CD33: variants seen among roughly 807,000 people sequenced by gnomAD.
CD33 encodes the protein myeloid cell surface antigen CD33.
In CD33, 25 loss-of-function variants were observed where a neutral mutation model predicts 31.4. The observed-to-expected ratio is 0.80, with a 90% CI of 0.58 to 1.11. The LOEUF (loss-of-function observed/expected upper bound fraction) is 1.11. Ranked by LOEUF, CD33 falls within the 50% of genes most tolerant of loss-of-function variation. The probability of loss-of-function intolerance (pLI) is 0.00; values close to 1 mark genes in which losing one functional copy is unlikely to be tolerated. For missense variants in CD33, 407 were observed against 448.1 expected (o/e 0.91, Z 0.83); for synonymous variants, 176 against 180.6 (o/e 0.97, Z 0.20).
chr19:51,219,697 C>G, the CD33 span, among the ~76,000 whole-genome samples: 1 of 151,980 alleles, frequency 6.6e-6, no homozygotes, highest in Non-Finnish European at 1.5e-5. Context: ...GAGATATGTT[C>G]CTTTAATGTC....
the CD33 span, chr19:51,211,988 C>A: frequency 1.7e-6 from 2 of 1,144,098 alleles, no homozygotes; most frequent in South Asian, 1.2e-5. Flanking sequence ...GGCCCCAGGA[C>A]CACGGCACCA....
intron 4 of CD33, among the ~76,000 whole-genome samples, chr19:51,229,996 G>C (rs1334703866): frequency 1.3e-5 from 2 of 151,578 alleles, no homozygotes; most frequent in African/African-American, 4.8e-5. Context: ...TTTGATGTAG[G>C]CATTTATTTC....
At chr19:51,211,195 C>T in the CD33 span, 26 of 1,579,716 alleles carry the variant, frequency 1.6e-5, no homozygotes, top group Admixed American at 3.2e-4. Context: ...AGCTGACCCT[C>T]GTTTCCCCAC....
chr19:51,219,643 A>G, the CD33 span, among the ~76,000 whole-genome samples: 18 of 152,140 alleles, frequency 1.2e-4, no homozygotes, highest in South Asian at 8.3e-4. Context: ...CCCTTTCAGT[A>G]TGATGTTGGC....
chr19:51,213,805 G>A, the CD33 span, among the ~76,000 whole-genome samples: 1 of 151,214 alleles, frequency 6.6e-6, no homozygotes, highest in Non-Finnish European at 1.5e-5. Context: ...CAAATTGCTG[G>A]GATTACAGGC....
chr19:51,218,630 G>A, the CD33 span, among the ~76,000 whole-genome samples: 1 of 152,160 alleles, frequency 6.6e-6, no homozygotes, highest in Admixed American at 6.5e-5. Flanking sequence ...ATTTTCCTAG[G>A]TTTTCTTCAG....
chr19:51,226,276 C>T (rs952089213), intron 3 of CD33, 33 bp from the exon 4 acceptor site: 1 of 1,606,446 alleles, frequency 6.2e-7, no homozygotes, highest in African/African-American at 1.3e-5. Context: ...ATCTCTACCC[C>T]CAACTGAAGG....
At chr19:51,215,099 T>G in the CD33 span, among the ~76,000 whole-genome samples, 1 of 152,178 alleles carries the variant, frequency 6.6e-6, no homozygotes, top group Non-Finnish European at 1.5e-5. Flanking sequence ...ATCCTGCTTC[T>G]CTGCCTCTGC....
At chr19:51,219,753 A>G in the CD33 span, among the ~76,000 whole-genome samples, 1 of 152,200 alleles carries the variant, frequency 6.6e-6, no homozygotes, top group Non-Finnish European at 1.5e-5. Flanking sequence ...GGATTTTATC[A>G]AAAGCTTTTT....
At position 51,225,859 on chromosome 19, in the gene CD33, A is replaced by G. The variant is rs1159794027; in HGVS notation, c.475A>G (p.Lys159Glu). ...TGGCACTCTAGAACCCGGCCACTCCAAAAACCTGACCTGCTCTGTGTCCTG... is the reference window on the plus strand; with the variant it reads ...TGGCACTCTAGAACCCGGCCACTCCGAAAACCTGACCTGCTCTGTGTCCTG... ...IPGTLEPGHS[K>E]NLTCSVSWAC... Residue 159 changes from lysine to glutamate, a missense_variant, in exon 3 of 7, where the codon AAA becomes GAA. Physicochemically the swap from Lys to Glu is moderately conservative, Grantham distance 56. Coordinates refer to ENST00000262262, the MANE Select transcript of CD33 (RefSeq NM_001772.4). The G allele has an allele frequency of 6.2e-7, 1 of 1,613,970 alleles. No homozygotes were observed. The highest frequency in any genetic ancestry group is 1.1e-5 in the South Asian group (1 of 91,068).
intron 4 of CD33, 69 bp from the exon 5 acceptor site, chr19:51,235,088 G>A: frequency 7.8e-7 from 1 of 1,282,596 alleles, no homozygotes; most frequent in Non-Finnish European, 1.1e-6. Flanking sequence ...CTCTCTACAT[G>A]CTGGAGAGGA....
In CD33 at chr19:51,239,658, C is replaced by T. The variant is rs1409942313; in HGVS notation, c.1065C>T (p.Ser355=). 1.9e-6 allele frequency: 3 copies of T among 1,613,050 alleles called. No homozygotes were observed. The highest frequency in any genetic ancestry group is 1.7e-6 in the Non-Finnish European group (2 of 1,179,686). Residue 355 remains serine (S), a synonymous_variant, in exon 7 of 7, where the codon TCC becomes TCT. Transcript: ENST00000262262. ...GGATGAATCCTTCCAAGGACACCTCCACCGAATACTCAGAGGTCAGGACCC... is the reference window on the plus strand; with the variant it reads ...GGATGAATCCTTCCAAGGACACCTCTACCGAATACTCAGAGGTCAGGACCC... The part of the protein sequence containing the change: ...FHGMNPSKDT[S]TEYSEVRTQ
Position 51,225,983 on chromosome 19 carries a change from C to T in CD33, c.599C>T (p.Thr200Ile), listed in dbSNP as rs1274826359. The change falls in exon 3 of 7, where the codon ACC (threonine) becomes ATC (isoleucine). Residue 200 changes from threonine (T) to isoleucine (I), a missense_variant. Physicochemically the swap from Thr to Ile is moderately conservative, Grantham distance 89 (BLOSUM62 -1). Coordinates refer to ENST00000262262, the MANE Select transcript of CD33 (RefSeq NM_001772.4). ...RTTHSSVLII[T>I]PRPQDHGTNL... ...ACTCACTCCTCGGTGCTCATAATCA[C>T]CCCACGGCCCCAGGACCACGGCACC... 1 of 1,614,068 alleles carries T rather than the reference C, an allele frequency of 6.2e-7. No individual in the cohort carries two copies. Among genetic ancestry groups the T allele is most frequent in the South Asian group, 1.1e-5 (1 of 91,062 alleles).
intron 4 of CD33, among the ~76,000 whole-genome samples, chr19:51,231,450 C>T (rs1320273753): frequency 6.6e-6 from 1 of 152,242 alleles, no homozygotes; most frequent in Non-Finnish European, 1.5e-5. Context: ...TTCATTCAGG[C>T]AGTCCATATA....
chr19:51,212,137 G>A, the CD33 span: 1 of 519,400 alleles, frequency 1.9e-6, no homozygotes, highest in African/African-American at 2.0e-5. Context: ...GAGAGAGGAG[G>A]ACCAGGACTG....
At position 51,239,530 on chromosome 19, in the gene CD33, A is replaced by G; in HGVS notation, c.937A>G (p.Lys313Glu). The G allele has an allele frequency of 6.2e-7, 1 of 1,604,990 alleles. No homozygotes were observed. Among genetic ancestry groups the G allele is most frequent in the Non-Finnish European group, 8.5e-7 (1 of 1,175,590 alleles). The change falls in exon 7 of 7, where the codon AAG (lysine) becomes GAG (glutamate). Residue 313 changes from lysine (K) to glutamate (E), a missense_variant. Coordinates refer to ENST00000262262, the MANE Select transcript of CD33 (RefSeq NM_001772.4). The part of the protein sequence containing the change: ...TGSASPKHQK[K>E]SKLHGPTETS... ...TCCTCTCCATAAGAAACACCAGAAG[A>G]AGTCCAAGTTACATGGCCCCACTGA...
Position 51,239,760 on chromosome 19 carries a change from C to A in CD33, c.*72C>A. On this transcript the variant is annotated 3_prime_UTR_variant, in exon 7 of 7. Transcript: ENST00000262262. ...ACAGGTCGGGGACCAAAGGCTGATTCTTGGAGATTTAACACCCCACAGGCA... is the reference window on the plus strand; with the variant it reads ...ACAGGTCGGGGACCAAAGGCTGATTATTGGAGATTTAACACCCCACAGGCA... 1 of 1,324,552 alleles carries A rather than the reference C, an allele frequency of 7.5e-7. No individual in the cohort carries two copies. Among genetic ancestry groups the A allele is most frequent in the Non-Finnish European group, 1.0e-6 (1 of 962,322 alleles). 82.0% of individuals were successfully genotyped at this position (1,324,552 alleles called of 1,614,324 possible).
At position 51,239,654 on chromosome 19, in the gene CD33, C is replaced by T. The variant is rs760682952; in HGVS notation, c.1061C>T (p.Thr354Ile). 3 of 1,613,196 alleles carry T rather than the reference C, an allele frequency of 1.9e-6. No homozygotes were observed. Among genetic ancestry groups the T allele is most frequent in the Non-Finnish European group, 2.5e-6 (3 of 1,179,740 alleles). ...CATGGGATGAATCCTTCCAAGGACA[C>T]CTCCACCGAATACTCAGAGGTCAGG... ...NFHGMNPSKDTSTEYSEVRTQ is the reference protein window; with the variant it reads ...NFHGMNPSKDISTEYSEVRTQ Residue 354 changes from threonine to isoleucine, a missense_variant, in exon 7 of 7, where the codon ACC (threonine) becomes ATC (isoleucine). Thr to Ile is a moderately conservative substitution (Grantham distance 89, BLOSUM62 -1). Coordinates refer to ENST00000262262, the MANE Select transcript of CD33 (RefSeq NM_001772.4).
upstream of CD33, among the ~76,000 whole-genome samples, chr19:51,220,582 T>C (rs1052787616): frequency 6.6e-6 from 1 of 152,216 alleles, no homozygotes; most frequent in Non-Finnish European, 1.5e-5. Flanking sequence ...TGTGATTAGA[T>C]GTAAGGGTTG....
Sources: gnomAD v4.1 joint callset for allele counts (sites outside exome capture counted in the v4.1 genomes callset) on GRCh38, gnomAD v4.1.1 for gene constraint, MANE v1.5 for transcripts, NCBI Gene and HGNC (gene_info 2026-07-23, HGNC 2026-07-21) for gene names.